The following RBFOX1 variants were observed in gnomAD, a reference collection of about 807,000 sequenced individuals.
The protein encoded by RBFOX1 is RNA binding protein fox-1 homolog 1.
A neutral mutation model predicts 57.7 loss-of-function variants in RBFOX1; 8 were observed. The ratio of observed to expected loss-of-function variants is 0.14; its 90% CI spans 0.08 to 0.25. The LOEUF (loss-of-function observed/expected upper bound fraction) is 0.25. Ranked by LOEUF, RBFOX1 falls within the 10% of genes least tolerant of loss-of-function variation. RBFOX1 has a pLI of 1.00. For synonymous variants in RBFOX1, 326 were observed against 222.4 expected (o/e 1.47, Z -4.15); for missense variants, 611 against 548.5 (o/e 1.11, Z -1.14).
chr16:6,643,020 G>C (rs1281503773), intron 2 of RBFOX1, among the ~76,000 whole-genome samples: 1 of 152,050 alleles, frequency 6.6e-6, no homozygotes, highest in Non-Finnish European at 1.5e-5. Flanking sequence ...TAGACTTTTC[G>C]GAATATTCTT....
At chr16:5,645,969 A>G (rs2049039375) in intron 3 of RBFOX1, among the ~76,000 whole-genome samples, 1 of 152,128 alleles carries the variant, frequency 6.6e-6, no homozygotes, top group Non-Finnish European at 1.5e-5. Context: ...CTGAGTGAGT[A>G]GGACTATAGG....
At chr16:6,695,944 T>A (rs1010591133) in intron 3 of RBFOX1, among the ~76,000 whole-genome samples, 10 of 152,182 alleles carry the variant, frequency 6.6e-5, no homozygotes, top group African/African-American at 2.4e-4. Context: ...GTTCCTTTTA[T>A]AACCACATTG....
intron 1 of RBFOX1, among the ~76,000 whole-genome samples, chr16:6,188,377 T>C (rs2152804637): frequency 6.6e-6 from 1 of 150,780 alleles, no homozygotes; most frequent in African/African-American, 2.4e-5. Flanking sequence ...AATTAGAGCT[T>C]TGAGAAGAAA....
At chr16:7,478,311 C>G (rs560017253) in intron 4 of RBFOX1, among the ~76,000 whole-genome samples, 11 of 152,186 alleles carry the variant, frequency 7.2e-5, no homozygotes, top group African/African-American at 2.4e-4. Flanking sequence ...GTTCAAATAG[C>G]TAAAAGGGAT....
At chr16:5,825,210 C>T (rs769150210) in intron 3 of RBFOX1, among the ~76,000 whole-genome samples, 2 of 152,250 alleles carry the variant, frequency 1.3e-5, no homozygotes, top group Non-Finnish European at 1.5e-5. Context: ...CGTTGCTTAA[C>T]TTCTTCAGAA....
chr16:7,423,920 G>T (rs1432059928), intron 4 of RBFOX1, among the ~76,000 whole-genome samples: 3 of 152,134 alleles, frequency 2.0e-5, no homozygotes, highest in African/African-American at 7.2e-5. Flanking sequence ...GAAACCTTGT[G>T]TTTTAATCCC....
chr16:6,663,321 G>A (rs983699317), intron 3 of RBFOX1, among the ~76,000 whole-genome samples: 1 of 152,200 alleles, frequency 6.6e-6, no homozygotes, highest in Non-Finnish European at 1.5e-5. Context: ...GAAGAAGAAA[G>A]GAGTTGATCA....
chr16:6,483,078 G>A, intron 2 of RBFOX1: 1 of 953,934 alleles, frequency 1.0e-6, no homozygotes, highest in Non-Finnish European at 1.3e-6. Flanking sequence ...CTTTGCAAGT[G>A]CCTCCGACCC....
chr16:5,802,525 A>G (rs2055093306), intron 3 of RBFOX1, among the ~76,000 whole-genome samples: 1 of 152,184 alleles, frequency 6.6e-6, no homozygotes, highest in Non-Finnish European at 1.5e-5. Flanking sequence ...ACAGACTCTC[A>G]GAGGGAATGC....
rs527466184 is a variant in RBFOX1 at position 5,635,316 on chromosome 16, C to T, written c.318+36355C>T. Among the ~76,000 whole-genome samples, 35 of 152,246 alleles carry T rather than the reference C, an allele frequency of 2.3e-4. 1 individual carries two copies. Among genetic ancestry groups the T allele is most frequent in the African/African-American group, 7.9e-4 (33 of 41,544 alleles). On this transcript the variant is annotated intron_variant, in intron 3 of 19. Coordinates refer to the RBFOX1 transcript ENST00000641259. ...CAGGGATCATACAAAACAGTTTTGG[C>T]ATGGAGGGAATATGCAGCCTCCTAG...
intron 2 of RBFOX1, among the ~76,000 whole-genome samples, chr16:5,514,553 G>A (rs1376650889): frequency 1.3e-5 from 2 of 152,172 alleles, no homozygotes; most frequent in Non-Finnish European, 2.9e-5. Flanking sequence ...GTGGGTACAC[G>A]AAGGAACAGA....
rs1319229962 is a variant in RBFOX1, at chr16:6,924,527, T to C, written c.-15-127530T>C. Reference sequence around the variant, plus strand: ...TTTCCCTCCAGGCCCACCTCCAACATTGGGGATCACATTTCAACATGAGAT... The same window carrying C: ...TTTCCCTCCAGGCCCACCTCCAACACTGGGGATCACATTTCAACATGAGAT... On this transcript the variant is annotated intron_variant, in intron 3 of 15. Transcript: ENST00000550418. Among the ~76,000 whole-genome samples the C allele has an allele frequency of 4.6e-5, 7 of 152,018 alleles. 1 individual carries two copies. The highest frequency in any genetic ancestry group is 1.0e-4 in the Non-Finnish European group (7 of 68,010).
At chr16:6,564,594 G>C (rs1271384659) in intron 2 of RBFOX1, among the ~76,000 whole-genome samples, 1 of 152,098 alleles carries the variant, frequency 6.6e-6, no homozygotes, top group African/African-American at 2.4e-5. Context: ...AATCTAAAAA[G>C]CTGAACTCTT....
At chr16:5,617,208 C>G (rs1201756736) in intron 3 of RBFOX1, among the ~76,000 whole-genome samples, 1 of 152,174 alleles carries the variant, frequency 6.6e-6, no homozygotes, top group Non-Finnish European at 1.5e-5. Context: ...TCACTTCCGA[C>G]TTTGACCCCA....
intron 4 of RBFOX1, among the ~76,000 whole-genome samples, chr16:7,072,015 C>G (rs1411849629): frequency 1.3e-5 from 2 of 152,172 alleles, no homozygotes; most frequent in African/African-American, 4.8e-5. Flanking sequence ...TCTCGCAAAC[C>G]TACTCGAAGT....
chr16:6,873,190 C>T (rs1036929024), intron 3 of RBFOX1, among the ~76,000 whole-genome samples: 3 of 150,180 alleles, frequency 2.0e-5, no homozygotes, highest in Non-Finnish European at 3.0e-5. Context: ...AAGGAATAAA[C>T]GAGGAGTAGA....
intron 2 of RBFOX1, among the ~76,000 whole-genome samples, chr16:6,368,662 T>G: frequency 6.6e-6 from 1 of 152,246 alleles, no homozygotes; most frequent in Non-Finnish European, 1.5e-5. Flanking sequence ...CTTTGGGCAT[T>G]GTCATATGTC....
At chr16:6,726,365 AAATAAT>A (rs983708207) in intron 3 of RBFOX1, among the ~76,000 whole-genome samples, 1 of 151,292 alleles carries the variant, frequency 6.6e-6, no homozygotes, top group African/African-American at 2.4e-5. Context: ...ATTTGTAAAA[AAATAAT>A]AAATAAAAAT....
chr16:7,278,603 C>A (rs1398652691), intron 4 of RBFOX1, among the ~76,000 whole-genome samples: 1 of 152,116 alleles, frequency 6.6e-6, no homozygotes, highest in South Asian at 2.1e-4. Context: ...CTGTTTGTAT[C>A]CTTTCCTATC....
Sources: allele counts gnomAD v4.1 joint callset (sites outside exome capture counted in the v4.1 genomes callset), GRCh38; gene constraint gnomAD v4.1.1; transcripts MANE v1.5; gene names NCBI Gene and HGNC (gene_info 2026-07-23, HGNC 2026-07-21).